Variants in PITPNC1 observed in about 807,000 individuals in gnomAD.
PITPNC1 encodes phosphatidylinositol transfer protein cytoplasmic 1.
Under a neutral mutation model 44.7 loss-of-function variants are expected in PITPNC1, and 18 were observed. The ratio of observed to expected loss-of-function variants is 0.40; its 90% CI spans 0.28 to 0.60. The LOEUF is 0.60. PITPNC1 is among the 20% of genes least tolerant of loss of function. The pLI is 0.39. For missense variants in PITPNC1, 290 were observed against 418.4 expected, an observed-to-expected ratio of 0.69 and a Z score of 2.68; for synonymous variants, 141 against 149.6, an observed-to-expected ratio of 0.94 and a Z score of 0.42.
chr17:67,604,780 C>T (rs1190309484), intron 5 of PITPNC1, among the ~76,000 whole-genome samples: 1 of 151,406 alleles, frequency 6.6e-6, no homozygotes, highest in Non-Finnish European at 1.5e-5. Context: ...GAGACTCCCT[C>T]TCCAAAAAAA....
intron 1 of PITPNC1, among the ~76,000 whole-genome samples, chr17:67,432,105 T>C (rs1014994853): frequency 3.9e-5 from 6 of 152,178 alleles, no homozygotes; most frequent in Non-Finnish European, 8.8e-5. Flanking sequence ...GCTAACATAT[T>C]TATAAGCGTG....
In PITPNC1 at chr17:67,428,839, C is replaced by CTTTTTT. The variant is rs369624053; in HGVS notation, c.48+50651_48+50656dup. The stretch of plus-strand genomic sequence containing the variant: ...TAACCATTTTTTTCTACTTGTCTTG[C>CTTTTTT]TTTTTTTTTTTTTTTTTTTGAGACG... On this transcript the variant is annotated intron_variant, in intron 1 of 8. Coordinates refer to ENST00000581322, the MANE Select transcript of PITPNC1 (RefSeq NM_012417.4). Among the ~76,000 whole-genome samples, 77 of 113,154 alleles carry CTTTTTT rather than the reference C, an allele frequency of 6.8e-4. 2 individuals are homozygous for CTTTTTT. Among genetic ancestry groups the CTTTTTT allele is most frequent in the Non-Finnish European group, 7.6e-4 (44 of 57,686 alleles). The allele number at this position is 113,154 out of a possible 152,430, so 74.2% of individuals were successfully genotyped here.
chr17:67,527,829 G>A (rs933005294), intron 1 of PITPNC1, among the ~76,000 whole-genome samples: 6 of 152,002 alleles, frequency 3.9e-5, no homozygotes, highest in Non-Finnish European at 8.8e-5. Flanking sequence ...GACCATGTCT[G>A]TACAAAAGTA....
intron 4 of PITPNC1, among the ~76,000 whole-genome samples, chr17:67,574,636 G>A (rs538675932): frequency 6.6e-6 from 1 of 152,200 alleles, no homozygotes; most frequent in African/African-American, 2.4e-5. Flanking sequence ...CAGCCTGCAT[G>A]GGGGAGGCAG....
intron 5 of PITPNC1, among the ~76,000 whole-genome samples, chr17:67,615,537 T>G (rs1048210233): frequency 4.6e-5 from 7 of 152,130 alleles, no homozygotes; most frequent in African/African-American, 7.2e-5. Context: ...GCTGAGCTAG[T>G]GTAGTGGCTG....
At chr17:67,502,093 A>T (rs148541007) in intron 1 of PITPNC1, among the ~76,000 whole-genome samples, 23 of 152,336 alleles carry the variant, frequency 1.5e-4, no homozygotes, top group African/African-American at 5.5e-4. Flanking sequence ...TAGTTGAAGC[A>T]CATTAGATGT....
At chr17:67,570,749 A>G (rs1033745995) in intron 4 of PITPNC1, among the ~76,000 whole-genome samples, 1 of 151,490 alleles carries the variant, frequency 6.6e-6, no homozygotes, top group Non-Finnish European at 1.5e-5. Flanking sequence ...TGCGGTTTGA[A>G]CTGAAGTCTG....
At chr17:67,378,982 T>G in intron 1 of PITPNC1, 2 of 985,346 alleles carry the variant, frequency 2.0e-6, no homozygotes, top group Non-Finnish European at 2.4e-6. Flanking sequence ...CAAGCGCGGC[T>G]CTGCTGTCCT....
chr17:67,678,112 A>G (rs1567774992), intron 8 of PITPNC1, among the ~76,000 whole-genome samples: 1 of 152,060 alleles, frequency 6.6e-6, no homozygotes, highest in Non-Finnish European at 1.5e-5. Context: ...GCTATTCAGG[A>G]GACCGAGGTG....
At chr17:67,604,590 C>T (rs1230539149) in intron 5 of PITPNC1, among the ~76,000 whole-genome samples, 1 of 152,196 alleles carries the variant, frequency 6.6e-6, no homozygotes, top group Non-Finnish European at 1.5e-5. Flanking sequence ...CGAGACCAGC[C>T]TTGCCAACAT....
rs911991266 is a variant in PITPNC1, at chr17:67,614,602, G to A, written c.367-17541G>A. On this transcript the variant is annotated intron_variant, in intron 5 of 8. Transcript: ENST00000581322. ...GAGGAGAATCGCTTGAACCTGGGAG[G>A]CAGAGGCTGGAGTGAGCTGAGATTG... Among the ~76,000 whole-genome samples, 4 of 151,462 alleles carry A rather than the reference G, an allele frequency of 2.6e-5. No homozygotes were observed. The East Asian group carries it at 7.8e-4, about 30-fold the overall frequency.
Position 67,631,671 on chromosome 17 carries a change from T to TATATAAA in PITPNC1, c.367-471_367-470insTATAAAA, listed in dbSNP as rs1272988970. On this transcript the variant is annotated intron_variant, in intron 5 of 8. Coordinates refer to ENST00000581322, the MANE Select transcript of PITPNC1 (RefSeq NM_012417.4). ...AAAAAAAAAAAAATATATATATATA[T>TATATAAA]AAAATATATATTTTTAACATATATA... is the stretch of plus-strand genomic sequence containing the variant. Among the ~76,000 whole-genome samples the TATATAAA allele has an allele frequency of 1.3e-4, 9 of 69,672 alleles. No individual in the cohort carries two copies. The East Asian group carries it at 2.4e-3, about 19-fold the overall frequency. The allele number at this position is 69,672 out of a possible 152,430, so 45.7% of individuals were successfully genotyped here.
chr17:67,542,136 C>T (rs1211157587), intron 2 of PITPNC1, among the ~76,000 whole-genome samples: 1 of 152,202 alleles, frequency 6.6e-6, no homozygotes, highest in East Asian at 1.9e-4. Context: ...CTCCAGCATA[C>T]ATATGTAACC....
At chr17:67,596,261 A>G (rs1417306227) in intron 5 of PITPNC1, among the ~76,000 whole-genome samples, 2 of 152,216 alleles carry the variant, frequency 1.3e-5, no homozygotes, top group African/African-American at 2.4e-5. Flanking sequence ...TTCAGCACCC[A>G]GCTATATTTG....
At chr17:67,569,709 A>G (rs1197510421) in intron 4 of PITPNC1, among the ~76,000 whole-genome samples, 2 of 152,210 alleles carry the variant, frequency 1.3e-5, no homozygotes, top group Non-Finnish European at 2.9e-5. Flanking sequence ...GATCTAAGCT[A>G]GAAAATCAAA....
intron 1 of PITPNC1, among the ~76,000 whole-genome samples, chr17:67,525,683 G>A (rs949849636): frequency 6.6e-6 from 1 of 152,034 alleles, no homozygotes; most frequent in Non-Finnish European, 1.5e-5. Context: ...CTCTGCAGTG[G>A]ATGGTTTGTG....
intron 8 of PITPNC1, among the ~76,000 whole-genome samples, chr17:67,689,046 T>C (rs1013284898): frequency 6.6e-5 from 10 of 151,958 alleles, no homozygotes; most frequent in Non-Finnish European, 1.5e-4. Context: ...CTACTAAAAA[T>C]ACAAAATTAG....
intron 6 of PITPNC1, among the ~76,000 whole-genome samples, chr17:67,649,731 TA>T (rs1207148553): frequency 1.3e-5 from 2 of 151,992 alleles, no homozygotes; most frequent in African/African-American, 2.4e-5. Flanking sequence ...TTTTTTTTAC[TA>T]AAAAAAATTT....
At chr17:67,626,622 G>A (rs2041898596) in intron 5 of PITPNC1, among the ~76,000 whole-genome samples, 1 of 152,036 alleles carries the variant, frequency 6.6e-6, no homozygotes, top group African/African-American at 2.4e-5. Context: ...TGCCCACCTG[G>A]CCTCTCAAAG....
Sources: allele counts gnomAD v4.1 joint callset (sites outside exome capture counted in the v4.1 genomes callset), GRCh38; gene constraint gnomAD v4.1.1; transcripts MANE v1.5; gene names NCBI Gene and HGNC (gene_info 2026-07-23, HGNC 2026-07-21).